NMBR: variants seen among roughly 807,000 people sequenced by gnomAD.
NMBR encodes the protein neuromedin-B receptor.
NMBR carries 16 observed loss-of-function variants against 20.5 expected under a neutral mutation model. The observed-to-expected ratio is 0.78, with a 90% CI of 0.53 to 1.19. The LOEUF is 1.19. Among genes scored for constraint, NMBR ranks in the 50% most tolerant of loss-of-function variants. NMBR has a pLI of 0.00. For missense variants in NMBR, 582 were observed against 499.1 expected (o/e 1.17, Z -1.58); for synonymous variants, 212 against 196.6 (o/e 1.08, Z -0.65).
rs73579787 is a variant in NMBR, at chr6:142,138,288, A to C, written c.-664+8756T>G. Among the ~76,000 whole-genome samples, 541 of 152,258 alleles carry C rather than the reference A, an allele frequency of 3.6e-3. 3 individuals are homozygous for C. Among genetic ancestry groups the C allele is most frequent in the African/African-American group, 0.011 (465 of 41,566 alleles). ...TCAAGCTTTATGCAGCCTGTGTTTG[A>C]TATCATGAATTTCTGGATCTAAGGT... On this transcript the variant is annotated intron_variant, in intron 1 of 3. Coordinates refer to ENST00000258042, the MANE Select transcript of NMBR (RefSeq NM_002511.4).
rs1777006031 is a variant in NMBR at position 142,078,664 on chromosome 6, A to C, written c.662T>G (p.Phe221Cys). ...GCTAATAATAGCAAGTGGTATGAGG[A>C]AATAGACCAAGAAAATGAGCACTGA... ...IHSVLIFLVY[F>C]LIPLAIISIY... Residue 221 changes from phenylalanine to cysteine, a missense_variant, in exon 3 of 4, where the codon TTC (phenylalanine) becomes TGC (cysteine). Phe to Cys is a radical substitution (Grantham distance 205). Transcript: ENST00000258042. 6.2e-7 allele frequency: 1 copy of C among 1,613,544 alleles called. No homozygotes were observed. The highest frequency in any genetic ancestry group is 8.5e-7 in the Non-Finnish European group (1 of 1,179,570).
intron 1 of NMBR, among the ~76,000 whole-genome samples, chr6:142,128,949 G>A (rs369369302): frequency 2.9e-4 from 24 of 82,374 alleles, no homozygotes; most frequent in Admixed American, 2.0e-3. Context: ...TTCTTTGAAT[G>A]TTTGGTAACT....
intron 1 of NMBR, among the ~76,000 whole-genome samples, chr6:142,119,795 G>C (rs564030266): frequency 6.6e-6 from 1 of 151,766 alleles, no homozygotes; most frequent in Non-Finnish European, 1.5e-5. Flanking sequence ...AGAGTCTTTC[G>C]TTTTAAGAAT....
chr6:142,134,436 A>G (rs1434189390), intron 1 of NMBR: 2 of 443,880 alleles, frequency 4.5e-6, no homozygotes, highest in African/African-American at 2.0e-5. Flanking sequence ...GAATTTTTAA[A>G]TTAGACTCTG....
intron 1 of NMBR, among the ~76,000 whole-genome samples, chr6:142,118,429 C>G (rs1389102740): frequency 2.0e-5 from 3 of 151,908 alleles, no homozygotes; most frequent in Non-Finnish European, 4.4e-5. Context: ...ATCGAAGAAC[C>G]TGTTAATTGA....
chr6:142,128,944 T>G (rs1778089017), intron 1 of NMBR, among the ~76,000 whole-genome samples: 1 of 87,206 alleles, frequency 1.1e-5, no homozygotes, highest in African/African-American at 3.2e-5. Context: ...CATTCTTCTT[T>G]GAATGTTTGG....
At chr6:142,130,180 G>A (rs1778114469) in intron 1 of NMBR, among the ~76,000 whole-genome samples, 1 of 152,034 alleles carries the variant, frequency 6.6e-6, no homozygotes, top group Admixed American at 6.6e-5. Context: ...TAAGGTCAAA[G>A]TTTATTTCCC....
intron 1 of NMBR, among the ~76,000 whole-genome samples, chr6:142,101,253 T>A (rs1777555411): frequency 6.6e-6 from 1 of 152,194 alleles, no homozygotes; most frequent in Non-Finnish European, 1.5e-5. Context: ...TGTTTACACT[T>A]CTATTCAGGT....
intron 1 of NMBR, among the ~76,000 whole-genome samples, chr6:142,104,892 G>T (rs1777630881): frequency 6.6e-6 from 1 of 152,240 alleles, no homozygotes; most frequent in Non-Finnish European, 1.5e-5. Flanking sequence ...CAAAAAGAGA[G>T]TCAGCAAAGG....
chr6:142,106,155 G>A (rs1777658336), intron 1 of NMBR, among the ~76,000 whole-genome samples: 1 of 152,150 alleles, frequency 6.6e-6, no homozygotes, highest in Non-Finnish European at 1.5e-5. Context: ...TCTGAGTCCT[G>A]AATTTACATG....
intron 1 of NMBR, among the ~76,000 whole-genome samples, chr6:142,130,332 C>T (rs1337262394): frequency 6.6e-6 from 1 of 151,736 alleles, no homozygotes; most frequent in Non-Finnish European, 1.5e-5. Context: ...TTTCTAGTCT[C>T]CCTAGCCATA....
chr6:142,135,233 T>A (rs1312683579), intron 1 of NMBR: 2 of 161,560 alleles, frequency 1.2e-5, no homozygotes, highest in East Asian at 3.5e-4. Flanking sequence ...TATTGTCTTT[T>A]TTTACGAAGT....
intron 1 of NMBR, among the ~76,000 whole-genome samples, chr6:142,108,617 A>C (rs555478149): frequency 6.6e-6 from 1 of 152,266 alleles, no homozygotes; most frequent in East Asian, 1.9e-4. Context: ...CAAGAACAGC[A>C]TGGAGGTAAC....
rs751755884 is a variant in NMBR at position 142,078,573 on chromosome 6, A to T, written c.753T>A (p.Asn251Lys). Residue 251 changes from asparagine to lysine, a missense_variant, in exon 3 of 4, where the codon AAT becomes AAA. Asn to Lys is a moderately conservative substitution (Grantham distance 94, BLOSUM62 0). Transcript: ENST00000258042. ...KSAHNLPGEY[N>K]EHTKKQMETR... ...AGCTTACCTGTTTTTTGGTATGTTCATTGTATTCTCCAGGAAGATTGTGTG... is the reference window on the plus strand; with the variant it reads ...AGCTTACCTGTTTTTTGGTATGTTCTTTGTATTCTCCAGGAAGATTGTGTG... The T allele has an allele frequency of 6.3e-7, 1 of 1,597,190 alleles. No homozygotes were observed. Among genetic ancestry groups the T allele is most frequent in the Admixed American group, 1.7e-5 (1 of 59,140 alleles).
chr6:142,104,029 G>GA lies in NMBR; in HGVS notation c.-663-14709dup, dbSNP rs538225764. Among the ~76,000 whole-genome samples, 608 of 152,222 alleles carry GA rather than the reference G, an allele frequency of 4.0e-3. 3 individuals carry two copies. Among genetic ancestry groups the GA allele is most frequent in the African/African-American group, 0.014 (583 of 41,546 alleles). On this transcript the variant is annotated intron_variant, in intron 1 of 3. Transcript: ENST00000258042. ...TGTAAAGCTTTCAGAAACTGCATTA[G>GA]AATTAGGCAATTAACTGTGGAAATA...
intron 1 of NMBR, among the ~76,000 whole-genome samples, chr6:142,096,083 T>C (rs1184353643): frequency 3.9e-5 from 6 of 152,302 alleles, no homozygotes; most frequent in East Asian, 1.9e-4. Context: ...ATCAATTTTG[T>C]TGATCTTTTC....
rs1427670530 is a variant in NMBR, at chr6:142,075,651, C to T, written c.1170G>A (p.Leu390=). The T allele has an allele frequency of 5.0e-6, 8 of 1,601,654 alleles. No homozygotes were observed. The change falls in exon 4 of 4, where the codon CTG becomes CTA. Residue 390 remains leucine, a synonymous_variant. Transcript: ENST00000258042. Reference sequence around the variant, plus strand: ...GTAGTGAGTTGAATGGCCAAAATCACAGTGCCATTTCCTGCTTCATGCTGT... The same window carrying T: ...GTAGTGAGTTGAATGGCCAAAATCATAGTGCCATTTCCTGCTTCATGCTGT... ...NGHSMKQEMA[L] is the part of the protein sequence containing the mutation.
At chr6:142,086,968 A>T (rs1777211378) in intron 2 of NMBR, among the ~76,000 whole-genome samples, 3 of 152,226 alleles carry the variant, frequency 2.0e-5, no homozygotes, top group Admixed American at 6.5e-5. Context: ...AAAGAGGGGC[A>T]GCTAAACTAG....
intron 2 of NMBR, among the ~76,000 whole-genome samples, chr6:142,079,595 G>A (rs930765241): frequency 5.3e-5 from 8 of 152,054 alleles, no homozygotes; most frequent in African/African-American, 1.9e-4. Flanking sequence ...TTCTGAGCAT[G>A]AGCCCCTTCA....
Sources: gnomAD v4.1 joint callset for allele counts (sites outside exome capture counted in the v4.1 genomes callset) on GRCh38, gnomAD v4.1.1 for gene constraint, MANE v1.5 for transcripts, NCBI Gene and HGNC (gene_info 2026-07-23, HGNC 2026-07-21) for gene names.